TTLL7: variants seen among roughly 807,000 people sequenced by gnomAD.
The protein encoded by TTLL7 is tubulin tyrosine ligase like 7.
A neutral mutation model predicts 120.2 loss-of-function variants in TTLL7; 53 were observed. The ratio of observed to expected loss-of-function variants is 0.44; its 90% CI spans 0.35 to 0.55. The LOEUF is 0.55. Among genes scored for constraint, TTLL7 ranks in the 20% least tolerant of loss-of-function variants. The probability of loss-of-function intolerance (pLI) is 0.00; values close to 1 mark genes in which losing one functional copy is unlikely to be tolerated. For missense variants in TTLL7, 803 were observed against 1,054.7 expected, an observed-to-expected ratio of 0.76 and a Z score of 3.31; for synonymous variants, 353 against 351.7, an observed-to-expected ratio of 1.00 and a Z score of -0.04.
chr1:83,916,222 CAAAG>C (rs1658147739), intron 14 of TTLL7, among the ~76,000 whole-genome samples: 2 of 152,110 alleles, frequency 1.3e-5, no homozygotes, highest in Non-Finnish European at 2.9e-5. Context: ...TTCACAATAG[CAAAG>C]ACTTGGAACC....
chr1:83,933,864 T>C, intron 8 of TTLL7, 98 bp from the exon 9 acceptor site: 1 of 1,198,456 alleles, frequency 8.3e-7, no homozygotes, highest in Non-Finnish European at 1.2e-6. Context: ...TGGCCAAGTT[T>C]ACAAAGCTCT....
chr1:83,960,194 TACTGCTGAA>T (rs2100535451), intron 1 of TTLL7, among the ~76,000 whole-genome samples: 1 of 152,310 alleles, frequency 6.6e-6, no homozygotes, highest in African/African-American at 2.4e-5. Context: ...ATATAAATCA[TACTGCTGAA>T]ACTTAGGTCT....
intron 10 of TTLL7, among the ~76,000 whole-genome samples, chr1:83,923,273 T>C (rs1571200186): frequency 2.0e-5 from 3 of 151,630 alleles, no homozygotes; most frequent in East Asian, 1.9e-4. Flanking sequence ...CATTTCTATA[T>C]AGCATTCAGT....
rs201589656 is a variant in TTLL7, at chr1:83,949,957, T to C, written c.187A>G (p.Met63Val). Residue 63 changes from methionine to valine, a missense_variant, in exon 4 of 21, where the codon ATG becomes GTG. Met to Val is a conservative substitution (Grantham distance 21). Around this residue, in one of 3 missense-constraint regions of TTLL7, gnomAD observed 91 missense variants for 96.6 expected, o/e 0.94. Transcript: ENST00000260505. ...VRLVIDEMGF[M>V]KTPDEDETSN... ...GTTTCATCCTCATCTGGAGTTTTCA[T>C]AAATCCCATTTCATCTATTACTAAA... 199 of 1,613,338 alleles carry C rather than the reference T, an allele frequency of 1.2e-4. 1 individual carries two copies. The East Asian group carries it at 4.2e-3, about 34-fold the overall frequency.
chr1:83,989,540 G>A (rs1270167432), intron 1 of TTLL7, among the ~76,000 whole-genome samples: 1 of 152,062 alleles, frequency 6.6e-6, no homozygotes, highest in Non-Finnish European at 1.5e-5. Flanking sequence ...CCAGTACTAT[G>A]GCTATTTTGT....
Position 83,911,190 on chromosome 1 carries a change from G to T in TTLL7, c.1761C>A (p.Asn587Lys). 1 of 1,611,430 alleles carries T rather than the reference G, an allele frequency of 6.2e-7. No individual in the cohort carries two copies. The highest frequency in any genetic ancestry group is 2.2e-5 in the East Asian group (1 of 44,814). The change falls in exon 15 of 21, where the codon AAC becomes AAA. Residue 587 changes from asparagine to lysine, a missense_variant. By Grantham distance (94) the Asn-to-Lys change is moderately conservative (BLOSUM62 0). Around this residue, in one of 3 missense-constraint regions of TTLL7, gnomAD observed 388 missense variants for 450.4 expected, o/e 0.86. Transcript: ENST00000260505. ...TGGGTTGTTGAATTAATTTGTAGTGGTTGGAGGGTTTAAGATTATATGTAA... is the reference window on the plus strand; with the variant it reads ...TGGGTTGTTGAATTAATTTGTAGTGTTTGGAGGGTTTAAGATTATATGTAA... Reference protein sequence around the residue: ...KQVTYNLKPSNHYKLIQQPSS... With the variant: ...KQVTYNLKPSKHYKLIQQPSS...
chr1:83,979,018 G>A (rs1651736611), intron 1 of TTLL7: 1 of 152,136 alleles, frequency 6.6e-6, no homozygotes, highest in African/African-American at 2.4e-5. Context: ...CTTCTCTTGT[G>A]AGCTCTCAGA....
At chr1:83,954,146 A>G (rs904039130) in intron 1 of TTLL7, among the ~76,000 whole-genome samples, 1 of 152,174 alleles carries the variant, frequency 6.6e-6, no homozygotes, top group African/African-American at 2.4e-5. Flanking sequence ...TACTTATTAC[A>G]TTGAAAGTAG....
chr1:83,917,835 A>G (rs1272083313), intron 13 of TTLL7, 145 bp from the exon 14 acceptor site: 7 of 617,708 alleles, frequency 1.1e-5, no homozygotes, highest in African/African-American at 7.4e-5. Context: ...GAAATATTAA[A>G]GGGTCACAGC....
intron 3 of TTLL7, 60 bp downstream of exon 3, chr1:83,951,785 C>T: frequency 3.9e-6 from 6 of 1,537,334 alleles, no homozygotes; most frequent in Non-Finnish European, 5.2e-6. Flanking sequence ...TTGTTTTTAA[C>T]ACCAAATCAG....
At chr1:83,952,984 A>G (rs1649194932) in intron 1 of TTLL7, among the ~76,000 whole-genome samples, 2 of 152,192 alleles carry the variant, frequency 1.3e-5, no homozygotes, top group Non-Finnish European at 2.9e-5. Context: ...CAGAATGCAG[A>G]GAAGTGATTC....
At chr1:83,911,443 TC>T (rs1391437703) in intron 14 of TTLL7, 80 bp from the exon 15 acceptor site, 23 of 1,141,896 alleles carry the variant, frequency 2.0e-5, no homozygotes, top group Non-Finnish European at 2.6e-5. Flanking sequence ...ATTTTTAATT[TC>T]CCCCTATGCT....
intron 6 of TTLL7, among the ~76,000 whole-genome samples, chr1:83,944,013 A>T (rs1475658005): frequency 6.6e-6 from 1 of 152,036 alleles, no homozygotes. Context: ...TAACTGAGAT[A>T]AAAAAATTCA....
intron 18 of TTLL7, among the ~76,000 whole-genome samples, chr1:83,894,216 C>A (rs1656026329): frequency 6.6e-6 from 1 of 151,804 alleles, no homozygotes; most frequent in African/African-American, 2.4e-5. Context: ...AGTCATAATG[C>A]AGAAAGGAAA....
At chr1:83,917,977 CT>C in intron 13 of TTLL7, among the ~76,000 whole-genome samples, 1 of 152,062 alleles carries the variant, frequency 6.6e-6, no homozygotes, top group Non-Finnish European at 1.5e-5. Context: ...GAGTATAATA[CT>C]TCAATAAATT....
intron 8 of TTLL7, among the ~76,000 whole-genome samples, 180 bp from the exon 9 acceptor site, chr1:83,933,946 C>T (rs1030387235): frequency 6.6e-6 from 1 of 152,196 alleles, no homozygotes; most frequent in African/African-American, 2.4e-5. Context: ...ACTCCTCACA[C>T]TTGCTTTGGG....
intron 8 of TTLL7, among the ~76,000 whole-genome samples, chr1:83,936,071 G>A (rs900728614): frequency 4.6e-5 from 7 of 152,072 alleles, no homozygotes; most frequent in African/African-American, 1.7e-4. Flanking sequence ...GAGATTAATA[G>A]GCCCACATTG....
At chr1:83,877,008 T>C (rs1489658087) in intron 20 of TTLL7, among the ~76,000 whole-genome samples, 1 of 151,998 alleles carries the variant, frequency 6.6e-6, no homozygotes, top group Non-Finnish European at 1.5e-5. Context: ...GTCTCAACAC[T>C]AGGTATGTTT....
At position 83,937,926 on chromosome 1, in the gene TTLL7, G is replaced by C; in HGVS notation, c.814C>G (p.Arg272Gly). ...AATTCTGTAAACCATTTGATGGAAC[G>C]TTTGCTGCCTTTGTTCTCAGTTTCA... is the stretch of plus-strand genomic sequence containing the variant. ...RDETENKGSK[R>G]SIKWFTEFLQ... Residue 272 changes from arginine (R) to glycine (G), a missense_variant, in exon 8 of 21, where the codon CGT becomes GGT. Coordinates refer to ENST00000260505, the MANE Select transcript of TTLL7 (RefSeq NM_024686.6). 3.7e-6 allele frequency: 6 copies of C among 1,614,024 alleles called. No homozygotes were observed. The highest frequency in any genetic ancestry group is 5.1e-6 in the Non-Finnish European group (6 of 1,179,964).
Sources: gnomAD v4.1 joint callset for allele counts (sites outside exome capture counted in the v4.1 genomes callset) on GRCh38, gnomAD v4.1.1 for gene constraint, gnomAD v4.1.1 regional missense constraint, MANE v1.5 for transcripts, NCBI Gene and HGNC (gene_info 2026-07-23, HGNC 2026-07-21) for gene names.